GLDC: variants seen among roughly 807,000 people sequenced by gnomAD.
The protein encoded by GLDC is glycine dehydrogenase (decarboxylating), mitochondrial.
GLDC carries 104 observed loss-of-function variants against 121.3 expected under a neutral mutation model. The ratio of observed to expected loss-of-function variants is 0.86; its 90% confidence interval spans 0.73 to 1.01. GLDC has a LOEUF of 1.01. Among genes scored for constraint, GLDC ranks in the 50% least tolerant of loss-of-function variants. The pLI is 0.00. For synonymous variants in GLDC, 546 were observed against 480.6 expected (o/e 1.14, Z -1.78); for missense variants, 1,429 against 1,306.6 (o/e 1.09, Z -1.44).
intron 19 of GLDC, among the ~76,000 whole-genome samples, chr9:6,553,945 G>C (rs1817565745): frequency 6.6e-6 from 1 of 151,510 alleles, no homozygotes; most frequent in Non-Finnish European, 1.5e-5. Context: ...ACATTTACTA[G>C]AAATAATCAT....
At chr9:6,605,832 A>G (rs1818719423) in intron 5 of GLDC, 1 of 201,888 alleles carries the variant, frequency 5.0e-6, no homozygotes, top group Non-Finnish European at 1.0e-5. Context: ...ACAGCACGAA[A>G]GAAAAGTACT....
At position 6,535,153 on chromosome 9, in the gene GLDC, A is replaced by G. The variant is rs10156472; in HGVS notation, c.2839-365T>C. On this transcript the variant is annotated intron_variant, in intron 23 of 24. Transcript: ENST00000321612. ...TCATGCTTTTATACTATTACTGCAT[A>G]TGTTAATAAACTGCATATAGCATAA... 8.7e-3 allele frequency among the ~76,000 whole-genome samples: 1,328 copies of G among 152,274 alleles called. 14 individuals carry two copies. The highest frequency in any genetic ancestry group is 0.03 in the African/African-American group (1,236 of 41,544).
intron 2 of GLDC, among the ~76,000 whole-genome samples, chr9:6,632,067 A>G (rs1819393966): frequency 1.3e-5 from 2 of 152,138 alleles, no homozygotes; most frequent in Admixed American, 1.3e-4. Context: ...CCCTGCCTCA[A>G]AAAAAAGTCA....
chr9:6,572,500 C>G (rs183947505), intron 15 of GLDC, among the ~76,000 whole-genome samples: 13 of 152,254 alleles, frequency 8.5e-5, no homozygotes, highest in African/African-American at 3.1e-4. Context: ...GGGAGAGACA[C>G]GGTCCTACAC....
intron 2 of GLDC, among the ~76,000 whole-genome samples, chr9:6,621,219 C>T (rs1312098353): frequency 6.6e-6 from 1 of 152,166 alleles, no homozygotes; most frequent in Non-Finnish European, 1.5e-5. Flanking sequence ...TTTCTACCAG[C>T]ATTCTCATGA....
At chr9:6,560,129 C>T (rs144399642) in intron 16 of GLDC, among the ~76,000 whole-genome samples, 7 of 152,212 alleles carry the variant, frequency 4.6e-5, no homozygotes, top group African/African-American at 7.2e-5. Context: ...GTAGAACTGA[C>T]GATGTGTCCC....
intron 14 of GLDC, among the ~76,000 whole-genome samples, chr9:6,587,799 A>G (rs1427271526): frequency 1.3e-5 from 2 of 152,158 alleles, no homozygotes; most frequent in African/African-American, 4.8e-5. Context: ...CCTTGACTCT[A>G]TTTTTTAAAA....
chr9:6,636,297 C>A (rs1819500608), intron 2 of GLDC, among the ~76,000 whole-genome samples: 1 of 150,014 alleles, frequency 6.7e-6, no homozygotes. Flanking sequence ...TAGTGAGACT[C>A]CGTCTCAAAA....
intron 8 of GLDC, among the ~76,000 whole-genome samples, chr9:6,598,808 T>C (rs925534022): frequency 6.6e-6 from 1 of 152,174 alleles, no homozygotes; most frequent in Non-Finnish European, 1.5e-5. Flanking sequence ...TTTTAACAAT[T>C]GCTGGAAAAG....
At chr9:6,560,321 C>T (rs1817726207) in intron 16 of GLDC, among the ~76,000 whole-genome samples, 1 of 152,190 alleles carries the variant, frequency 6.6e-6, no homozygotes, top group African/African-American at 2.4e-5. Flanking sequence ...AAGGAGTCTA[C>T]TTAAGAAAAA....
At chr9:6,577,161 A>C (rs1156765677) in intron 15 of GLDC, among the ~76,000 whole-genome samples, 1 of 152,278 alleles carries the variant, frequency 6.6e-6, no homozygotes, top group Non-Finnish European at 1.5e-5. Context: ...AGGCAGAGCC[A>C]GCAGCGCCAC....
intron 2 of GLDC, among the ~76,000 whole-genome samples, chr9:6,628,732 C>T (rs1045360721): frequency 1.3e-5 from 2 of 152,196 alleles, no homozygotes; most frequent in African/African-American, 2.4e-5. Context: ...CAGAGTGAGA[C>T]CCTGCCTAAA....
intron 15 of GLDC, among the ~76,000 whole-genome samples, chr9:6,580,542 C>A (rs1237868879): frequency 6.6e-6 from 1 of 152,164 alleles, no homozygotes; most frequent in African/African-American, 2.4e-5. Context: ...TCTAATTAGA[C>A]CTTGCCAAGC....
Position 6,532,848 on chromosome 9 carries a change from C to A in GLDC, c.*169G>T, listed in dbSNP as rs942841834. 1.5e-6 allele frequency: 1 copy of A among 668,508 alleles called. No individual in the cohort carries two copies. The highest frequency in any genetic ancestry group is 1.8e-5 in the African/African-American group (1 of 56,260). The allele number at this position is 668,508 out of a possible 1,614,324, so 41.4% of individuals were successfully genotyped here. On this transcript the variant is annotated 3_prime_UTR_variant, in exon 25 of 25. Coordinates refer to ENST00000321612, the MANE Select transcript of GLDC (RefSeq NM_000170.3). Reference sequence around the variant, plus strand: ...AAATCCGTCTTCCAACCATCAGCTTCGACTCCCTCCAGCTACTGTATTTAC... The same window carrying A: ...AAATCCGTCTTCCAACCATCAGCTTAGACTCCCTCCAGCTACTGTATTTAC...
chr9:6,554,825 A>C lies in GLDC; in HGVS notation c.2203-44T>G, dbSNP rs764949509. ...CCAAAAGCAAAAGTCAAGAGCTTGG[A>C]AGCACCCTCCAGTGTGAAGGCCATG... On this transcript the variant is annotated intron_variant, in intron 18 of 24. Coordinates refer to ENST00000321612, the MANE Select transcript of GLDC (RefSeq NM_000170.3). 1.1e-5 allele frequency: 16 copies of C among 1,454,366 alleles called. No homozygotes were observed. The Admixed American group carries it at 1.8e-4, about 17-fold the overall frequency. The allele number at this position is 1,454,366 out of a possible 1,614,324, so 90.1% of individuals were successfully genotyped here.
At chr9:6,602,378 T>A (rs10975676) in intron 7 of GLDC, among the ~76,000 whole-genome samples, 173 bp from the exon 8 acceptor site, 294 of 138,526 alleles carry the variant, frequency 2.1e-3, no homozygotes, top group African/African-American at 7.4e-3. Flanking sequence ...TGATTACTGA[T>A]TTTTTTTTTT....
intron 2 of GLDC, among the ~76,000 whole-genome samples, chr9:6,623,642 T>C (rs762221991): frequency 2.0e-5 from 3 of 152,090 alleles, no homozygotes; most frequent in Non-Finnish European, 4.4e-5. Flanking sequence ...GAGAGAGATA[T>C]GGTACTTTGC....
At chr9:6,629,583 T>C (rs1384905877) in intron 2 of GLDC, among the ~76,000 whole-genome samples, 1 of 148,180 alleles carries the variant, frequency 6.7e-6, no homozygotes, top group Non-Finnish European at 1.5e-5. Flanking sequence ...AGGCAATCTG[T>C]ATGAGTCAAG....
chr9:6,541,866 A>G (rs1817271179), intron 21 of GLDC: 2 of 149,536 alleles, frequency 1.3e-5, no homozygotes. Flanking sequence ...AAATAAAACT[A>G]TAAAGAGCGT....
Sources: allele counts gnomAD v4.1 joint callset (sites outside exome capture counted in the v4.1 genomes callset), GRCh38; gene constraint gnomAD v4.1.1; transcripts MANE v1.5; gene names NCBI Gene and HGNC (gene_info 2026-07-23, HGNC 2026-07-21).